KIF25: variants seen among roughly 807,000 people sequenced by gnomAD.
KIF25 encodes the protein kinesin family member 25, also known as kinesin-like protein KIF25.
A neutral mutation model predicts 32.9 loss-of-function variants in KIF25; 19 were observed. The ratio of observed to expected loss-of-function variants is 0.58; its 90% CI spans 0.40 to 0.85. The LOEUF is 0.85. KIF25 is among the 40% of genes least tolerant of loss of function. KIF25 has a pLI of 0.00. For synonymous variants in KIF25, 225 were observed against 213.7 expected, an observed-to-expected ratio of 1.05 and a Z score of -0.46; for missense variants, 485 against 507.0, an observed-to-expected ratio of 0.96 and a Z score of 0.42.
At chr6:168,039,958 A>G (rs1799090870) in intron 9 of KIF25, 107 bp from the exon 10 acceptor site, 3 of 1,351,902 alleles carry the variant, frequency 2.2e-6, no homozygotes, top group Admixed American at 4.7e-5. Context: ...CCCCACTGGC[A>G]CGCGTGGCTC....
chr6:168,035,483 G>GC (rs1392922687), intron 8 of KIF25, among the ~76,000 whole-genome samples: 51 of 148,130 alleles, frequency 3.4e-4, no homozygotes, highest in East Asian at 6.1e-4. Flanking sequence ...GAACGGTGCT[G>GC]AGGTGGTGGC....
intron 5 of KIF25, 63 bp from the exon 6 acceptor site, chr6:168,029,429 A>G (rs1166783823): frequency 1.2e-5 from 14 of 1,158,686 alleles, no homozygotes; most frequent in Non-Finnish European, 1.7e-5. Context: ...AGAATAACTA[A>G]CATTCATGTT....
intron 4 of KIF25, among the ~76,000 whole-genome samples, chr6:168,009,240 T>C (rs9346640): frequency 0.2 from 30,601 of 151,894 alleles, 3,473 homozygotes; most frequent in East Asian, 0.29. Flanking sequence ...GTTGTTTTTT[T>C]CTATACCTAA....
At chr6:168,004,280 G>A (rs1798548916) in intron 4 of KIF25, among the ~76,000 whole-genome samples, 1 of 152,178 alleles carries the variant, frequency 6.6e-6, no homozygotes, top group African/African-American at 2.4e-5. Context: ...AACAGAACGG[G>A]GGCTGTCCCA....
At chr6:168,005,232 C>G (rs61527940) in intron 4 of KIF25, among the ~76,000 whole-genome samples, 1 of 152,184 alleles carries the variant, frequency 6.6e-6, no homozygotes, top group African/African-American at 2.4e-5. Context: ...GGCAAACCTT[C>G]TCCTCTATCC....
intron 8 of KIF25, among the ~76,000 whole-genome samples, chr6:168,034,383 C>T (rs988918604): frequency 1.3e-5 from 2 of 152,126 alleles, no homozygotes; most frequent in Non-Finnish European, 2.9e-5. Context: ...CTCAGCCTCC[C>T]GAGTATCTGG....
intron 7 of KIF25, among the ~76,000 whole-genome samples, chr6:168,031,145 C>T (rs1416080811): frequency 6.6e-6 from 1 of 152,162 alleles, no homozygotes; most frequent in Non-Finnish European, 1.5e-5. Context: ...GTGCAGCTGC[C>T]ATTCTCTCTG....
At chr6:168,012,779 A>G (rs1301103436) in intron 4 of KIF25, among the ~76,000 whole-genome samples, 1 of 151,826 alleles carries the variant, frequency 6.6e-6, no homozygotes, top group Non-Finnish European at 1.5e-5. Flanking sequence ...CAGCTGCGTG[A>G]CTGCTTGGCT....
At chr6:168,033,576 A>T (rs77406524) in intron 7 of KIF25, among the ~76,000 whole-genome samples, 1,622 of 152,060 alleles carry the variant, frequency 0.011, 36 homozygotes, top group African/African-American at 0.037. Flanking sequence ...CAGAATCCCT[A>T]TGTGAATGCT....
At chr6:168,027,033 G>A (rs1054008853) in intron 5 of KIF25, among the ~76,000 whole-genome samples, 86 of 152,136 alleles carry the variant, frequency 5.7e-4, no homozygotes, top group African/African-American at 1.9e-3. Flanking sequence ...TGTAGGGACC[G>A]TTCCCAGGAG....
intron 5 of KIF25, among the ~76,000 whole-genome samples, chr6:168,024,139 G>A (rs534433967): frequency 2.0e-5 from 3 of 152,216 alleles, no homozygotes; most frequent in East Asian, 3.9e-4. Context: ...CAGTCTTCAC[G>A]TGCAAAAGCT....
intron 4 of KIF25, among the ~76,000 whole-genome samples, chr6:168,015,561 C>G (rs1224388580): frequency 6.6e-6 from 1 of 152,194 alleles, no homozygotes; most frequent in African/African-American, 2.4e-5. Flanking sequence ...GTTCAGGCCT[C>G]TTCAGGGAAG....
chr6:168,003,010 T>G (rs554867176), intron 3 of KIF25, among the ~76,000 whole-genome samples: 65 of 152,314 alleles, frequency 4.3e-4, no homozygotes, highest in African/African-American at 1.6e-3. Flanking sequence ...GTGATGCCAG[T>G]GATAGGGAGC....
intron 2 of KIF25, among the ~76,000 whole-genome samples, chr6:168,000,436 G>C (rs1224566181): frequency 2.1e-5 from 2 of 96,326 alleles, no homozygotes; most frequent in Admixed American, 1.2e-4. Context: ...GTCTACACCT[G>C]ACCCTCCCCA....
intron 12 of KIF25, 84 bp from the exon 13 acceptor site, chr6:168,044,743 A>G: frequency 5.9e-6 from 8 of 1,360,926 alleles, no homozygotes; most frequent in South Asian, 1.4e-5. Flanking sequence ...GCAGCCGCCC[A>G]TCTCGGGCCC....
intron 5 of KIF25, among the ~76,000 whole-genome samples, chr6:168,028,032 C>T (rs562359290): frequency 2.6e-5 from 4 of 152,200 alleles, no homozygotes; most frequent in African/African-American, 9.6e-5. Flanking sequence ...GAAGAACCCC[C>T]CTGTGGACTC....
chr6:168,043,500 C>G (rs1464796809), intron 12 of KIF25, among the ~76,000 whole-genome samples: 4 of 152,230 alleles, frequency 2.6e-5, no homozygotes, highest in African/African-American at 7.2e-5. Context: ...GTTCCAGACA[C>G]TCTCCCTGTC....
chr6:168,033,422 C>A (rs1193202996), intron 7 of KIF25, among the ~76,000 whole-genome samples: 1 of 151,646 alleles, frequency 6.6e-6, no homozygotes, highest in African/African-American at 2.4e-5. Context: ...ATTGCTTGAA[C>A]CCAGGAGGCA....
chr6:168,016,374 G>T (rs184481029), intron 4 of KIF25, among the ~76,000 whole-genome samples: 1 of 152,252 alleles, frequency 6.6e-6, no homozygotes, highest in Non-Finnish European at 1.5e-5. Context: ...GCCGGAGCAC[G>T]AGCACGCGCA....
Sources: gnomAD v4.1 joint callset for allele counts (sites outside exome capture counted in the v4.1 genomes callset) on GRCh38, gnomAD v4.1.1 for gene constraint, MANE v1.5 for transcripts, NCBI Gene and HGNC (gene_info 2026-07-23, HGNC 2026-07-21) for gene names.